The following COL24A1 variants were observed in gnomAD, a reference collection of about 807,000 sequenced individuals.
COL24A1 encodes collagen alpha-1(XXIV) chain.
A neutral mutation model predicts 253.9 loss-of-function variants in COL24A1; 224 were observed. The observed-to-expected ratio is 0.88, with a 90% CI of 0.79 to 0.99. COL24A1 has a LOEUF of 0.99. Among genes scored for constraint, COL24A1 ranks in the 50% least tolerant of loss-of-function variants. COL24A1 has a pLI of 0.00. For missense variants in COL24A1, 2,131 were observed against 2,068.5 expected (o/e 1.03, Z -0.59); for synonymous variants, 685 against 673.7 (o/e 1.02, Z -0.26).
In COL24A1 at chr1:85,906,262, G is replaced by GTTTTTTTTTTTTTTTTTT. The variant is rs1438385660; in HGVS notation, c.2778+931_2778+932insAAAAAAAAAAAAAAAAAA. ...CATTTGCCAACTGGAAAACTGCAAG[G>GTTTTTTTTTTTTTTTTTT]TCTTTTTTTTTTTTTACCATGGTTA... On this transcript the variant is annotated intron_variant, in intron 28 of 59. Transcript: ENST00000370571. 3.3e-3 allele frequency among the ~76,000 whole-genome samples: 46 copies of GTTTTTTTTTTTTTTTTTT among 13,944 alleles called. 1 individual carries two copies. The highest frequency in any genetic ancestry group is 6.5e-3 in the Admixed American group (10 of 1,548). 9.1% of individuals were successfully genotyped at this position (13,944 alleles called of 152,430 possible).
intron 47 of COL24A1, among the ~76,000 whole-genome samples, chr1:85,790,540 T>C (rs1321004474): frequency 6.6e-6 from 1 of 152,038 alleles, no homozygotes; most frequent in Admixed American, 6.6e-5. Context: ...TTTTGTGTCT[T>C]GGTAGAGATC....
chr1:85,919,191 A>G (rs1686206023), intron 24 of COL24A1, among the ~76,000 whole-genome samples: 1 of 152,222 alleles, frequency 6.6e-6, no homozygotes, highest in Non-Finnish European at 1.5e-5. Context: ...AGTAAGAAAT[A>G]AACTTTTATT....
chr1:85,747,496 C>T (rs1002151213), intron 55 of COL24A1, among the ~76,000 whole-genome samples: 2 of 151,790 alleles, frequency 1.3e-5, no homozygotes, highest in Non-Finnish European at 2.9e-5. Context: ...TTCAACAAAC[C>T]CATTATATGT....
chr1:85,990,275 A>T (rs1341609801), intron 19 of COL24A1, among the ~76,000 whole-genome samples: 1 of 152,212 alleles, frequency 6.6e-6, no homozygotes, highest in Non-Finnish European at 1.5e-5. Context: ...ATAAGCCTGG[A>T]ACACACTATC....
chr1:86,116,409 A>G (rs1571974841), intron 3 of COL24A1, among the ~76,000 whole-genome samples: 1 of 152,192 alleles, frequency 6.6e-6, no homozygotes, highest in Admixed American at 6.5e-5. Context: ...CACATAAAAT[A>G]AAGAGATGAA....
At chr1:85,889,386 C>T (rs924724670) in intron 32 of COL24A1, among the ~76,000 whole-genome samples, 174 bp downstream of exon 32, 6 of 152,062 alleles carry the variant, frequency 3.9e-5, no homozygotes, top group Non-Finnish European at 7.4e-5. Flanking sequence ...TGACTATATG[C>T]AACCAGAAAG....
At chr1:85,812,254 T>C (rs1385235269) in intron 47 of COL24A1, among the ~76,000 whole-genome samples, 33 of 152,222 alleles carry the variant, frequency 2.2e-4, no homozygotes. Context: ...ACAAAATGTG[T>C]AAGCAAGCAA....
chr1:85,740,001 A>T (rs74331047), intron 57 of COL24A1, among the ~76,000 whole-genome samples: 5,420 of 152,128 alleles, frequency 0.036, 111 homozygotes, highest in Middle Eastern at 0.082. Context: ...CCTAATGATC[A>T]TATGTTCACT....
At chr1:86,067,274 G>C (rs1701568598) in intron 7 of COL24A1, among the ~76,000 whole-genome samples, 1 of 152,214 alleles carries the variant, frequency 6.6e-6, no homozygotes, top group African/African-American at 2.4e-5. Context: ...TGGGACTCTG[G>C]AGTGGGCAAA....
At position 86,125,017 on chromosome 1, in the gene COL24A1, G is replaced by T; in HGVS notation, c.1319C>A (p.Ser440Tyr). Reference sequence around the variant, plus strand: ...CCTTAGATCAAGGTGATTATCCACAGATGGCTCATTTGTCACTCTATGCAA... The same window carrying T: ...CCTTAGATCAAGGTGATTATCCACATATGGCTCATTTGTCACTCTATGCAA... ...TSLHRVTNEPSVDNHLDLRKE... is the reference protein window; with the variant it reads ...TSLHRVTNEPYVDNHLDLRKE... The change falls in exon 3 of 60, where the codon TCT becomes TAT. Residue 440 changes from serine to tyrosine, a missense_variant. Coordinates refer to ENST00000370571, the MANE Select transcript of COL24A1 (RefSeq NM_152890.7). 6.2e-7 allele frequency: 1 copy of T among 1,613,176 alleles called. No individual in the cohort carries two copies. The highest frequency in any genetic ancestry group is 8.5e-7 in the Non-Finnish European group (1 of 1,179,654).
intron 24 of COL24A1, among the ~76,000 whole-genome samples, chr1:85,934,963 C>A (rs1219870926): frequency 6.6e-6 from 1 of 150,470 alleles, no homozygotes; most frequent in African/African-American, 2.5e-5. Flanking sequence ...AAAAAAAAAA[C>A]ACCAAGCATT....
At chr1:85,849,717 T>A (rs1019143353) in intron 37 of COL24A1, among the ~76,000 whole-genome samples, 2 of 152,216 alleles carry the variant, frequency 1.3e-5, no homozygotes, top group African/African-American at 2.4e-5. Flanking sequence ...TAATTAAAGT[T>A]AACCCATGCC....
intron 1 of COL24A1, among the ~76,000 whole-genome samples, chr1:86,147,776 T>G (rs1652114375): frequency 6.6e-6 from 1 of 152,270 alleles, no homozygotes; most frequent in South Asian, 2.1e-4. Context: ...TACAATGTTA[T>G]TAAAATACAT....
chr1:85,828,110 T>C (rs1328531310), intron 43 of COL24A1, among the ~76,000 whole-genome samples: 1 of 152,112 alleles, frequency 6.6e-6, no homozygotes, highest in Non-Finnish European at 1.5e-5. Context: ...CCAGAGATTC[T>C]GGTATGTTGT....
At chr1:86,088,572 T>C (rs1183519453) in intron 7 of COL24A1, among the ~76,000 whole-genome samples, 2 of 152,094 alleles carry the variant, frequency 1.3e-5, no homozygotes, top group Non-Finnish European at 2.9e-5. Flanking sequence ...CAGTACTCCT[T>C]TCTACCTCAC....
At chr1:85,747,148 G>T in intron 55 of COL24A1, among the ~76,000 whole-genome samples, 1 of 120,196 alleles carries the variant, frequency 8.3e-6, no homozygotes, top group Admixed American at 1.1e-4. Flanking sequence ...GTCTCGCTCT[G>T]TCACCCAGGC....
At chr1:86,148,755 G>A (rs1204781277) in intron 1 of COL24A1, among the ~76,000 whole-genome samples, 17 of 152,054 alleles carry the variant, frequency 1.1e-4, no homozygotes, top group South Asian at 2.1e-4. Context: ...ATCATTGTTG[G>A]ACATTTGGGT....
chr1:85,789,640 G>C (rs190325784), intron 47 of COL24A1, among the ~76,000 whole-genome samples: 1 of 152,192 alleles, frequency 6.6e-6, no homozygotes, highest in African/African-American at 2.4e-5. Context: ...GTTTTCAAGG[G>C]GAATGCTTCC....
At chr1:85,955,704 A>G (rs1322062828) in intron 24 of COL24A1, among the ~76,000 whole-genome samples, 1 of 152,244 alleles carries the variant, frequency 6.6e-6, no homozygotes, top group Non-Finnish European at 1.5e-5. Context: ...GAAAGAAAAA[A>G]TTGGAAATAA....
Sources: gnomAD v4.1 joint callset for allele counts (sites outside exome capture counted in the v4.1 genomes callset) on GRCh38, gnomAD v4.1.1 for gene constraint, MANE v1.5 for transcripts, NCBI Gene and HGNC (gene_info 2026-07-23, HGNC 2026-07-21) for gene names.